LYST: variants seen among roughly 807,000 people sequenced by gnomAD.
LYST encodes the protein lysosomal trafficking regulator.
Under a neutral mutation model 413.6 loss-of-function variants are expected in LYST, and 192 were observed. The ratio of observed to expected loss-of-function variants is 0.46; its 90% CI spans 0.41 to 0.52. LYST has a LOEUF of 0.52. LYST is among the 20% of genes least tolerant of loss of function. The pLI is 0.00. For missense variants in LYST, 3,815 were observed against 4,499.9 expected (o/e 0.85, Z 4.35); for synonymous variants, 1,525 against 1,567.3 (o/e 0.97, Z 0.64).
In LYST at chr1:235,800,721, AT is replaced by A. The variant is rs1672120446; in HGVS notation, c.3939+149del. Reference sequence around the variant, plus strand: ...AACTATGGAATTAGAAGATTTTGGAATACCACTTGTAGGTATTCACCTGAGG... The same window carrying A: ...AACTATGGAATTAGAAGATTTTGGAAACCACTTGTAGGTATTCACCTGAGG... On this transcript the variant is annotated intron_variant, in intron 9 of 52. Transcript: ENST00000389793. The A allele has an allele frequency of 8.0e-6, 5 of 627,958 alleles. No individual in the cohort carries two copies. The South Asian group carries it at 1.0e-4, about 13-fold the overall frequency. The allele number at this position is 627,958 out of a possible 1,614,324, so 38.9% of individuals were successfully genotyped here.
intron 19 of LYST, among the ~76,000 whole-genome samples, chr1:235,770,841 A>G (rs1250523943): frequency 2.0e-5 from 3 of 152,214 alleles, no homozygotes; most frequent in African/African-American, 7.2e-5. Flanking sequence ...TTCAAAGAGT[A>G]GTTAGCATCC....
chr1:235,692,840 G>C (rs903916675), intron 47 of LYST, among the ~76,000 whole-genome samples: 1 of 151,946 alleles, frequency 6.6e-6, no homozygotes, highest in African/African-American at 2.4e-5. Context: ...GGGCAACATG[G>C]AGAAACCCTA....
chr1:235,690,882 A>C (rs573131647), intron 47 of LYST, among the ~76,000 whole-genome samples: 2 of 151,888 alleles, frequency 1.3e-5, no homozygotes, highest in Non-Finnish European at 2.9e-5. Flanking sequence ...AGCATACTGT[A>C]TATTTACATG....
At chr1:235,669,431 T>G (rs1419719500) in intron 50 of LYST, among the ~76,000 whole-genome samples, 1 of 152,278 alleles carries the variant, frequency 6.6e-6, no homozygotes, top group African/African-American at 2.4e-5. Flanking sequence ...CGTTTTCTGC[T>G]GGCAGATGGG....
At chr1:235,858,280 C>T (rs1297730065) in intron 1 of LYST, among the ~76,000 whole-genome samples, 1 of 152,142 alleles carries the variant, frequency 6.6e-6, no homozygotes, top group Non-Finnish European at 1.5e-5. Flanking sequence ...GCTCCAGTTT[C>T]CTCATCTGTA....
chr1:235,813,453 G>A (rs180716195), intron 3 of LYST, among the ~76,000 whole-genome samples: 7 of 152,248 alleles, frequency 4.6e-5, no homozygotes, highest in South Asian at 2.1e-4. Flanking sequence ...AAGCCTTCAT[G>A]CAGTTAAATG....
intron 50 of LYST, among the ~76,000 whole-genome samples, chr1:235,671,079 A>C (rs1658904390): frequency 6.6e-6 from 1 of 152,220 alleles, no homozygotes; most frequent in South Asian, 2.1e-4. Flanking sequence ...CAAGGATTAC[A>C]GGCACCTGCC....
At chr1:235,816,457 T>TAA (rs1231395765) in intron 3 of LYST, among the ~76,000 whole-genome samples, 31 of 103,404 alleles carry the variant, frequency 3.0e-4, no homozygotes, top group African/African-American at 1.5e-3. Flanking sequence ...AATAAATAAA[T>TAA]AAAAAATAAA....
intron 13 of LYST, 136 bp from the exon 14 acceptor site, chr1:235,787,509 T>C: frequency 2.7e-6 from 2 of 742,836 alleles, no homozygotes; most frequent in Non-Finnish European, 4.6e-6. Context: ...GCTTGAAAAG[T>C]CAGTAGGTCT....
At chr1:235,785,770 G>C (rs573397401) in intron 14 of LYST, among the ~76,000 whole-genome samples, 2 of 152,032 alleles carry the variant, frequency 1.3e-5, no homozygotes, top group African/African-American at 2.4e-5. Flanking sequence ...TTACAGTTTC[G>C]AATTCTCTAT....
intron 37 of LYST, among the ~76,000 whole-genome samples, chr1:235,728,591 T>C (rs1416611208): frequency 2.6e-5 from 4 of 152,220 alleles, no homozygotes; most frequent in East Asian, 1.9e-4. Flanking sequence ...TAGGGTAGAG[T>C]AGGCCCTAAA....
At chr1:235,737,921 G>GAT in intron 31 of LYST, 1 of 1,176,874 alleles carries the variant, frequency 8.5e-7, no homozygotes. Context: ...CGACGAGTCT[G>GAT]GATCTCACTG....
intron 6 of LYST, 101 bp downstream of exon 6, chr1:235,805,638 TTACA>T (rs1029462386): frequency 5.8e-5 from 22 of 378,016 alleles, no homozygotes; most frequent in African/African-American, 4.7e-4. Context: ...AATATATATA[TTACA>T]TATATTATGT....
intron 3 of LYST, chr1:235,827,693 T>G (rs1017928763): frequency 1.0e-6 from 1 of 983,164 alleles, no homozygotes; most frequent in African/African-American, 1.7e-5. Context: ...CTACTATTAT[T>G]GCTACAGATA....
intron 22 of LYST, among the ~76,000 whole-genome samples, chr1:235,761,434 C>T (rs191763505): frequency 2.3e-4 from 35 of 152,170 alleles, no homozygotes; most frequent in Admixed American, 1.4e-3. Flanking sequence ...TATAAAGTAG[C>T]GATGAGACTC....
At chr1:235,761,403 C>T (rs1230010635) in intron 22 of LYST, among the ~76,000 whole-genome samples, 1 of 152,140 alleles carries the variant, frequency 6.6e-6, no homozygotes, top group Non-Finnish European at 1.5e-5. Context: ...AACTAGAAAA[C>T]CTGCACCTAT....
chr1:235,752,287 A>T (rs1666576583), intron 26 of LYST, 116 bp from the exon 27 acceptor site: 1 of 702,686 alleles, frequency 1.4e-6, no homozygotes, highest in Admixed American at 2.3e-5. Flanking sequence ...GCTTGCACTC[A>T]TTCATGCAGT....
intron 36 of LYST, among the ~76,000 whole-genome samples, chr1:235,730,382 G>C (rs938858235): frequency 5.3e-5 from 8 of 152,022 alleles, no homozygotes; most frequent in African/African-American, 1.9e-4. Context: ...GAGCTAGTAA[G>C]AGCAGGAACT....
At chr1:235,734,869 G>A (rs1664688118) in intron 31 of LYST, 1 of 414,668 alleles carries the variant, frequency 2.4e-6, no homozygotes, top group Admixed American at 4.0e-5. Context: ...TTTGTTAGAT[G>A]TAATAATGTT....
Sources: allele counts gnomAD v4.1 joint callset (sites outside exome capture counted in the v4.1 genomes callset), GRCh38; gene constraint gnomAD v4.1.1; transcripts MANE v1.5; gene names NCBI Gene and HGNC (gene_info 2026-07-23, HGNC 2026-07-21).